Variants in ZFYVE9 observed in about 807,000 individuals in gnomAD.
ZFYVE9 encodes zinc finger FYVE domain-containing protein 9.
Under a neutral mutation model 126.7 loss-of-function variants are expected in ZFYVE9, and 43 were observed. The observed-to-expected ratio is 0.34, with a 90% CI of 0.27 to 0.44. The LOEUF (loss-of-function observed/expected upper bound fraction) is 0.44, where lower values mean the gene tolerates loss of function less well. Ranked by LOEUF, ZFYVE9 falls within the 20% of genes least tolerant of loss-of-function variation. The probability of loss-of-function intolerance (pLI) is 1.00; values close to 1 mark genes in which losing one functional copy is unlikely to be tolerated. For missense variants in ZFYVE9, 1,476 were observed against 1,697.0 expected (o/e 0.87, Z 2.29); for synonymous variants, 521 against 597.4 (o/e 0.87, Z 1.87).
chr1:52,227,437 C>T (rs895106513), intron 2 of ZFYVE9, among the ~76,000 whole-genome samples: 20 of 152,200 alleles, frequency 1.3e-4, no homozygotes, highest in African/African-American at 4.8e-4. Flanking sequence ...TCCATTTTTC[C>T]CTTCTGTAGT....
intron 4 of ZFYVE9, chr1:52,254,053 C>A: frequency 1.3e-6 from 1 of 754,320 alleles, no homozygotes; most frequent in South Asian, 1.6e-5. Flanking sequence ...TCTAGCCAGT[C>A]ATCAAAATGG....
At chr1:52,247,012 A>AT (rs942731078) in intron 4 of ZFYVE9, among the ~76,000 whole-genome samples, 6 of 151,716 alleles carry the variant, frequency 4.0e-5, no homozygotes, top group Non-Finnish European at 7.4e-5. Flanking sequence ...CCGGCCACTA[A>AT]TTTTTTAAAA....
chr1:52,181,292 C>A (rs1409400684), intron 1 of ZFYVE9, among the ~76,000 whole-genome samples: 1 of 152,246 alleles, frequency 6.6e-6, no homozygotes, highest in East Asian at 1.9e-4. Context: ...GCTGGGTTGG[C>A]CGGGCTGGTC....
In ZFYVE9 at chr1:52,281,699, A is replaced by G; in HGVS notation, c.2908A>G (p.Met970Val). 6.2e-7 allele frequency: 1 copy of G among 1,612,284 alleles called. No individual in the cohort carries two copies. The highest frequency in any genetic ancestry group is 8.5e-7 in the Non-Finnish European group (1 of 1,178,360). Reference sequence around the variant, plus strand: ...GTGCTGGTGTTTCACAACCAAGGGAATGCATGCAGTGGGTCAGTCTGAGAT... The same window carrying G: ...GTGCTGGTGTTTCACAACCAAGGGAGTGCATGCAGTGGGTCAGTCTGAGAT... ...RKCWCFTTKGMHAVGQSEIVI... is the reference protein window; with the variant it reads ...RKCWCFTTKGVHAVGQSEIVI... Residue 970 changes from methionine (M) to valine (V), a missense_variant, in exon 10 of 19, where the codon ATG becomes GTG. By Grantham distance (21) the Met-to-Val change is conservative (BLOSUM62 1). Around this residue, in one of 2 missense-constraint regions of ZFYVE9, gnomAD observed 669 missense variants for 902.4 expected, o/e 0.74. Transcript: ENST00000287727.
chr1:52,239,081 C>T lies in ZFYVE9; in HGVS notation c.1664C>T (p.Pro555Leu). 1 of 1,614,032 alleles carries T rather than the reference C, an allele frequency of 6.2e-7. No homozygotes were observed. Among genetic ancestry groups the T allele is most frequent in the Non-Finnish European group, 8.5e-7 (1 of 1,180,002 alleles). ...NYLHNFCSQV[P>L]SVLGQSSPKV... ...TTACATAATTTCTGTAGTCAAGTTC[C>T]ATCAGTGCTTGGGCAATCTTCCCCC... Residue 555 changes from proline to leucine, a missense_variant, in exon 4 of 19, where the codon CCA becomes CTA. Transcript: ENST00000287727.
chr1:52,214,162 C>T (rs1393183384), intron 1 of ZFYVE9, among the ~76,000 whole-genome samples: 1 of 152,166 alleles, frequency 6.6e-6, no homozygotes, highest in East Asian at 1.9e-4. Flanking sequence ...CGCGGTGCCT[C>T]ATGCCTGTAA....
intron 4 of ZFYVE9, chr1:52,253,721 C>A: frequency 9.3e-6 from 15 of 1,607,120 alleles, no homozygotes; most frequent in Non-Finnish European, 1.3e-5. Context: ...TGGTCACTCT[C>A]ATCTTGCAAA....
At chr1:52,213,012 A>G (rs1045170490) in intron 1 of ZFYVE9, among the ~76,000 whole-genome samples, 1 of 152,204 alleles carries the variant, frequency 6.6e-6, no homozygotes, top group African/African-American at 2.4e-5. Flanking sequence ...CTATCCATCT[A>G]TCCATTTACT....
At chr1:52,319,315 C>T (rs553837584) in intron 13 of ZFYVE9, among the ~76,000 whole-genome samples, 3 of 152,038 alleles carry the variant, frequency 2.0e-5, no homozygotes, top group Non-Finnish European at 2.9e-5. Flanking sequence ...AATCAAAATA[C>T]GAGTAGGCTT....
At chr1:52,198,360 C>T (rs779767172) in intron 1 of ZFYVE9, among the ~76,000 whole-genome samples, 25 of 152,002 alleles carry the variant, frequency 1.6e-4, no homozygotes, top group Non-Finnish European at 2.2e-4. Context: ...CCACCTGCCT[C>T]GACCTCCCTT....
At chr1:52,341,752 G>A (rs190138974) in intron 17 of ZFYVE9, among the ~76,000 whole-genome samples, 10 of 152,308 alleles carry the variant, frequency 6.6e-5, no homozygotes, top group Admixed American at 5.9e-4. Flanking sequence ...TAGCAGAGAT[G>A]AGACCTGGTT....
rs1646483789 is a variant in ZFYVE9 at position 52,346,349 on chromosome 1, G to C, written c.*128G>C. ...ATTAATGGGGTGGGGAATAGGGTGG[G>C]AGTGGGGGTTTGGGAGACGGGTGGG... is the stretch of plus-strand genomic sequence containing the variant. On this transcript the variant is annotated 3_prime_UTR_variant, in exon 19 of 19. Transcript: ENST00000287727. The C allele has an allele frequency of 9.6e-6, 3 of 313,110 alleles. No individual in the cohort carries two copies. In the South Asian group the frequency reaches 1.1e-4, roughly 11 times the overall value. 19.4% of individuals were successfully genotyped at this position (313,110 alleles called of 1,614,324 possible).
intron 1 of ZFYVE9, among the ~76,000 whole-genome samples, chr1:52,213,343 T>C (rs1485186895): frequency 4.6e-5 from 7 of 152,162 alleles, no homozygotes. Context: ...AAGGTAAGAA[T>C]GGAGACTTAC....
chr1:52,160,475 C>T lies in ZFYVE9; in HGVS notation c.-143+18072C>T, dbSNP rs112418458. On this transcript the variant is annotated intron_variant, in intron 1 of 18. Coordinates refer to ENST00000287727, the MANE Select transcript of ZFYVE9 (RefSeq NM_004799.4). ...GTGACCTGTTACCAGCTGGAATGGA[C>T]GAGTGGCAGTTTCTTCACCTGAAGC... is the stretch of plus-strand genomic sequence containing the variant. 270 of 813,134 alleles carry T rather than the reference C, an allele frequency of 3.3e-4. 1 individual carries two copies. Among genetic ancestry groups the T allele is most frequent in the African/African-American group, 2.7e-3 (161 of 59,934 alleles). 50.4% of individuals were successfully genotyped at this position (813,134 alleles called of 1,614,324 possible).
At chr1:52,297,849 A>G (rs1236219537) in intron 12 of ZFYVE9, among the ~76,000 whole-genome samples, 1 of 151,808 alleles carries the variant, frequency 6.6e-6, no homozygotes. Flanking sequence ...CAGCCTCCCC[A>G]GTAGCTGGAA....
Position 52,237,763 on chromosome 1 carries a change from A to C in ZFYVE9, c.346A>C (p.Ile116Leu). 1 of 1,614,150 alleles carries C rather than the reference A, an allele frequency of 6.2e-7. No homozygotes were observed. Among genetic ancestry groups the C allele is most frequent in the South Asian group, 1.1e-5 (1 of 91,082 alleles). ...DENAVAEDQL[I>L]KRNYSWDDQC... ...AAATGCTGTTGCAGAAGACCAGTTA[A>C]TTAAGAGAAACTATAGTTGGGATGA... Residue 116 changes from isoleucine (I) to leucine (L), a missense_variant, in exon 4 of 19, where the codon ATT (isoleucine) becomes CTT (leucine). Coordinates refer to ENST00000287727, the MANE Select transcript of ZFYVE9 (RefSeq NM_004799.4).
chr1:52,226,275 C>A (rs945124330), intron 2 of ZFYVE9, among the ~76,000 whole-genome samples: 4 of 152,144 alleles, frequency 2.6e-5, no homozygotes, highest in African/African-American at 9.7e-5. Flanking sequence ...GTGCAAGCTC[C>A]CAGCTTCCTT....
chr1:52,159,909 C>T (rs1644439572), intron 1 of ZFYVE9, among the ~76,000 whole-genome samples: 1 of 152,006 alleles, frequency 6.6e-6, no homozygotes. Context: ...TGTTCTCCTG[C>T]CTCAGCCTCC....
chr1:52,298,151 T>C (rs559854594), intron 12 of ZFYVE9, among the ~76,000 whole-genome samples: 1 of 152,232 alleles, frequency 6.6e-6, no homozygotes, highest in Non-Finnish European at 1.5e-5. Flanking sequence ...CTTTTTAGTT[T>C]GATGTAATTC....
Sources: allele counts gnomAD v4.1 joint callset (sites outside exome capture counted in the v4.1 genomes callset), GRCh38; gene constraint gnomAD v4.1.1; regional missense constraint gnomAD v4.1.1; transcripts MANE v1.5; gene names NCBI Gene and HGNC (gene_info 2026-07-23, HGNC 2026-07-21).